The following IFT122 variants were observed in gnomAD, a reference collection of about 807,000 sequenced individuals.
The protein encoded by IFT122 is intraflagellar transport 122.
In IFT122, 118 loss-of-function variants were observed where a neutral mutation model predicts 161.6. That is an observed-to-expected ratio of 0.73 (90% CI 0.63 to 0.85). IFT122 has a LOEUF of 0.85. Ranked by LOEUF, IFT122 falls within the 40% of genes least tolerant of loss-of-function variation. The pLI is 0.00. For synonymous variants in IFT122, 550 were observed against 602.4 expected, an observed-to-expected ratio of 0.91 and a Z score of 1.27; for missense variants, 1,381 against 1,579.6, an observed-to-expected ratio of 0.87 and a Z score of 2.13.
intron 15 of IFT122, 60 bp downstream of exon 15, chr3:129,483,742 G>T: frequency 6.8e-7 from 1 of 1,475,804 alleles, no homozygotes; most frequent in South Asian, 1.2e-5. Context: ...CAGGGAAGCT[G>T]GGCCCTTTGC....
intron 4 of IFT122, 83 bp downstream of exon 4, chr3:129,458,760 G>T: frequency 8.9e-7 from 1 of 1,119,996 alleles, no homozygotes; most frequent in African/African-American, 1.5e-5. Flanking sequence ...AGATGTAGGA[G>T]AAAACTTTTT....
rs2108352024 is a variant in IFT122 at position 129,483,638 on chromosome 3, T to A, written c.1807T>A (p.Phe603Ile). The A allele has an allele frequency of 6.2e-7, 1 of 1,612,130 alleles. No individual in the cohort carries two copies. The highest frequency in any genetic ancestry group is 1.1e-5 in the South Asian group (1 of 90,748). The part of the protein sequence containing the change: ...FVVGYNGSKI[F>I]CLHVFSISAV... ...GGTCGGCTACAATGGCTCCAAGATC[T>A]TCTGCCTCCATGTCTTCTCCATTTC... The change falls in exon 15 of 30, where the codon TTC becomes ATC. Residue 603 changes from phenylalanine (F) to isoleucine (I), a missense_variant. Physicochemically the swap from Phe to Ile is conservative, Grantham distance 21. Transcript: ENST00000348417.
chr3:129,444,345 T>G (rs1355219514), intron 1 of IFT122, among the ~76,000 whole-genome samples: 1 of 152,232 alleles, frequency 6.6e-6, no homozygotes, highest in African/African-American at 2.4e-5. Context: ...TTTGCCCAGC[T>G]GGAAAGAGTG....
rs1311978236 is a variant in IFT122 at position 129,519,537 on chromosome 3, A to G, written c.3472-31A>G. On this transcript the variant is annotated intron_variant, in intron 28 of 29. Coordinates refer to ENST00000348417, the MANE Select transcript of IFT122 (RefSeq NM_052989.3). ...GATGTCTCACTGTGGCTGAGTGAGG[A>G]CACTGTGCCTCCTTCCCGCCCACCC... is the stretch of plus-strand genomic sequence containing the variant. The G allele has an allele frequency of 4.3e-6, 7 of 1,611,438 alleles. No individual in the cohort carries two copies. The South Asian group carries it at 7.7e-5, about 18-fold the overall frequency.
chr3:129,460,862 C>T (rs756175324), intron 4 of IFT122: 32 of 1,613,344 alleles, frequency 2.0e-5, no homozygotes, highest in Non-Finnish European at 2.6e-5. Flanking sequence ...AGATCTTGGT[C>T]TGTGATGTCT....
At chr3:129,451,723 C>G (rs1168425823) in intron 2 of IFT122, among the ~76,000 whole-genome samples, 191 bp from the exon 3 acceptor site, 1 of 152,164 alleles carries the variant, frequency 6.6e-6, no homozygotes, top group Non-Finnish European at 1.5e-5. Flanking sequence ...GTACATAGAC[C>G]TGGGTCCTCT....
intron 1 of IFT122, among the ~76,000 whole-genome samples, chr3:129,445,595 A>G (rs72986984): frequency 0.038 from 5,797 of 152,332 alleles, 332 homozygotes; most frequent in African/African-American, 0.12. Flanking sequence ...CAGATTTGAC[A>G]TACTTGGCAG....
At chr3:129,455,247 ATGGCAACCTC>A in intron 3 of IFT122, among the ~76,000 whole-genome samples, 1 of 151,506 alleles carries the variant, frequency 6.6e-6, no homozygotes, top group East Asian at 1.9e-4. Flanking sequence ...ATCTCGGCTC[ATGGCAACCTC>A]TGACTCCCTG....
At chr3:129,503,524 A>G (rs371980576) in intron 20 of IFT122, among the ~76,000 whole-genome samples, 1 of 152,088 alleles carries the variant, frequency 6.6e-6, no homozygotes, top group South Asian at 2.1e-4. Context: ...TTCCCTGCAG[A>G]GAAATCCATC....
At chr3:129,464,488 A>C in intron 6 of IFT122, 147 bp from the exon 7 acceptor site, 2 of 932,370 alleles carry the variant, frequency 2.1e-6, no homozygotes, top group Non-Finnish European at 3.5e-6. Flanking sequence ...CTCTGACTTT[A>C]TGTCAGGACC....
chr3:129,496,396 T>A (rs974850190), intron 18 of IFT122, among the ~76,000 whole-genome samples: 1 of 152,182 alleles, frequency 6.6e-6, no homozygotes, highest in African/African-American at 2.4e-5. Flanking sequence ...ATGAGGGTCT[T>A]CCTTCCATCA....
In IFT122 at chr3:129,517,484, T is replaced by C; in HGVS notation, c.3281T>C (p.Val1094Ala). The C allele has an allele frequency of 1.2e-6, 2 of 1,613,798 alleles. No homozygotes were observed. The highest frequency in any genetic ancestry group is 1.7e-6 in the Non-Finnish European group (2 of 1,179,804). The change falls in exon 27 of 30, where the codon GTT (valine) becomes GCT (alanine). Residue 1094 changes from valine to alanine, a missense_variant. Val to Ala is a moderately conservative substitution (Grantham distance 64, BLOSUM62 0). Coordinates refer to ENST00000348417, the MANE Select transcript of IFT122 (RefSeq NM_052989.3). Reference sequence around the variant, plus strand: ...TGCCCTCCAGACGTGCTACACCTGGTTGAGTTCTACCTGGAGGAAGGGATC... The same window carrying C: ...TGCCCTCCAGACGTGCTACACCTGGCTGAGTTCTACCTGGAGGAAGGGATC... ...SASSYDVLHLVEFYLEEGITD... is the reference protein window; with the variant it reads ...SASSYDVLHLAEFYLEEGITD...
intron 29 of IFT122, 86 bp downstream of exon 29, chr3:129,519,818 G>A (rs964900176): frequency 6.7e-7 from 1 of 1,482,138 alleles, no homozygotes; most frequent in African/African-American, 1.4e-5. Flanking sequence ...CGTGGCCCCT[G>A]GGAGGAGGGG....
intron 9 of IFT122, among the ~76,000 whole-genome samples, chr3:129,474,586 A>C (rs1038728459): frequency 6.6e-6 from 1 of 152,114 alleles, no homozygotes; most frequent in African/African-American, 2.4e-5. Context: ...TGGCAGACAA[A>C]GTGAGGGAAA....
intron 3 of IFT122, among the ~76,000 whole-genome samples, chr3:129,454,212 C>T (rs144202641): frequency 6.6e-6 from 1 of 151,976 alleles, no homozygotes; most frequent in African/African-American, 2.4e-5. Flanking sequence ...CACTTTAGTC[C>T]TGCATAAAGA....
intron 12 of IFT122, 103 bp downstream of exon 12, chr3:129,478,321 C>T (rs572438935): frequency 6.5e-6 from 6 of 928,148 alleles, no homozygotes; most frequent in Admixed American, 5.9e-5. Context: ...CACTAGAAAA[C>T]AAGTCTGTTC....
intron 1 of IFT122, among the ~76,000 whole-genome samples, chr3:129,447,416 A>G (rs1203756419): frequency 1.3e-5 from 2 of 152,338 alleles, no homozygotes; most frequent in African/African-American, 4.8e-5. Flanking sequence ...ATCAACAGAA[A>G]GGAATGTCTG....
chr3:129,519,049 A>AG (rs2084389951), intron 27 of IFT122, 58 bp from the exon 28 acceptor site: 3 of 1,433,220 alleles, frequency 2.1e-6, no homozygotes, highest in Non-Finnish European at 3.0e-6. Context: ...TGTAGGGTGG[A>AG]GGCTAGGGTC....
chr3:129,507,549 G>A, intron 22 of IFT122, 119 bp from the exon 23 acceptor site: 2 of 824,528 alleles, frequency 2.4e-6, no homozygotes, highest in Non-Finnish European at 4.3e-6. Flanking sequence ...CACAGACACT[G>A]TGTGGTGGGA....
Sources: allele counts gnomAD v4.1 joint callset (sites outside exome capture counted in the v4.1 genomes callset), GRCh38; gene constraint gnomAD v4.1.1; transcripts MANE v1.5; gene names NCBI Gene and HGNC (gene_info 2026-07-23, HGNC 2026-07-21).